Variants in LOC400499 observed in about 807,000 individuals in gnomAD.
the LOC400499 span, among the ~76,000 whole-genome samples, chr16:11,515,495 ATACG>A: frequency 1.3e-5 from 2 of 151,440 alleles, no homozygotes; most frequent in East Asian, 1.9e-4. Flanking sequence ...ACATACATAC[ATACG>A]TACGTACATA....
chr16:11,488,883 G>A, the LOC400499 span: 1 of 398,826 alleles, frequency 2.5e-6, no homozygotes. Flanking sequence ...ATAGAGTCGT[G>A]GGCAGCAGGG....
chr16:11,441,649 T>A, the LOC400499 span, among the ~76,000 whole-genome samples: 2 of 152,232 alleles, frequency 1.3e-5, no homozygotes, highest in South Asian at 4.1e-4. Context: ...TGGGTGGCCC[T>A]AAAGTAATCA....
chr16:11,450,575 A>G, the LOC400499 span: 1 of 1,529,270 alleles, frequency 6.5e-7, no homozygotes. Flanking sequence ...GTGGCAGGGG[A>G]CCAGACATAT....
the LOC400499 span, among the ~76,000 whole-genome samples, chr16:11,504,708 C>T: frequency 1.8e-4 from 27 of 151,514 alleles, no homozygotes; most frequent in East Asian, 4.3e-3. Context: ...AGATCACTTG[C>T]GGTCAGGAGT....
At chr16:11,429,015 G>A in the LOC400499 span, among the ~76,000 whole-genome samples, 5 of 152,096 alleles carry the variant, frequency 3.3e-5, no homozygotes, top group African/African-American at 1.2e-4. Flanking sequence ...TAATGATCAT[G>A]ACAGATTACT....
the LOC400499 span, chr16:11,407,465 G>C: frequency 1.8e-5 from 7 of 395,880 alleles, no homozygotes; most frequent in South Asian, 1.4e-4. Context: ...AGGCCCAAGA[G>C]ACCCACAACT....
the LOC400499 span, chr16:11,440,651 T>C: frequency 0.55 from 217,020 of 398,036 alleles, 61,055 homozygotes; most frequent in African/African-American, 0.76. Context: ...AGACATCTCA[T>C]ACAGGGCACC....
At chr16:11,385,490 T>G in the LOC400499 span, 2 of 1,060,698 alleles carry the variant, frequency 1.9e-6, no homozygotes, top group Non-Finnish European at 2.4e-6. Flanking sequence ...CAATGCCTGC[T>G]GGGTGCCCCG....
At chr16:11,526,120 A>G in the LOC400499 span, among the ~76,000 whole-genome samples, 3 of 152,236 alleles carry the variant, frequency 2.0e-5, no homozygotes, top group South Asian at 4.1e-4. Context: ...AAGCCCAAAT[A>G]TCAAAACAAT....
At chr16:11,456,542 G>C in the LOC400499 span, among the ~76,000 whole-genome samples, 25 of 152,206 alleles carry the variant, frequency 1.6e-4, no homozygotes, top group African/African-American at 5.3e-4. Context: ...AAGGTAAGAA[G>C]TTACGATGTA....
the LOC400499 span, among the ~76,000 whole-genome samples, chr16:11,419,301 C>T: frequency 6.6e-6 from 1 of 151,990 alleles, no homozygotes; most frequent in African/African-American, 2.4e-5. Context: ...CGCCGCTTAT[C>T]TACAACTATC....
the LOC400499 span, among the ~76,000 whole-genome samples, chr16:11,408,451 ATT>A: frequency 0.31 from 40,293 of 130,834 alleles, 6,477 homozygotes; most frequent in Non-Finnish European, 0.37. Flanking sequence ...TCAGTGCAGG[ATT>A]TTTTTTTTTT....
At chr16:11,474,649 C>T in the LOC400499 span, among the ~76,000 whole-genome samples, 1 of 151,012 alleles carries the variant, frequency 6.6e-6, no homozygotes, top group South Asian at 2.1e-4. Flanking sequence ...CACTTGAGCC[C>T]AGGAGTTCGA....
the LOC400499 span, among the ~76,000 whole-genome samples, chr16:11,413,594 G>C: frequency 6.6e-6 from 1 of 152,148 alleles, no homozygotes; most frequent in South Asian, 2.1e-4. Flanking sequence ...GAAGGGCCTG[G>C]GTGCCAAGTC....
chr16:11,471,530 A>C, the LOC400499 span: 36 of 398,482 alleles, frequency 9.0e-5, no homozygotes, highest in Admixed American at 4.0e-4. Context: ...AGAAACCTAC[A>C]GCAAGACCAG....
chr16:11,416,197 G>A, the LOC400499 span, among the ~76,000 whole-genome samples: 99 of 152,056 alleles, frequency 6.5e-4, no homozygotes, highest in African/African-American at 2.2e-3. Context: ...TGATCCACCC[G>A]CCTTGGCCTC....
the LOC400499 span, chr16:11,401,478 C>A: frequency 2.5e-6 from 1 of 399,252 alleles, no homozygotes. Flanking sequence ...CCGCACAGAC[C>A]ACCTTCTCCA....
chr16:11,453,743 C>T, the LOC400499 span, among the ~76,000 whole-genome samples: 33 of 151,720 alleles, frequency 2.2e-4, no homozygotes, highest in Non-Finnish European at 3.5e-4. Flanking sequence ...AGAGGCAGGA[C>T]GATCACTTGA....
chr16:11,388,844 C>T, the LOC400499 span, among the ~76,000 whole-genome samples: 1 of 152,184 alleles, frequency 6.6e-6, no homozygotes. Context: ...GCCTATAATC[C>T]CAGCACTTTG....
Sources: gnomAD v4.1 joint callset for allele counts (sites outside exome capture counted in the v4.1 genomes callset) on GRCh38, gnomAD v4.1.1 for gene constraint, MANE v1.5 for transcripts.